Variants in PRKG1 observed in about 807,000 individuals in gnomAD.
PRKG1 encodes protein kinase cGMP-dependent 1.
PRKG1 carries 35 observed loss-of-function variants against 88.1 expected under a neutral mutation model. That is an observed-to-expected ratio of 0.40 (90% confidence interval 0.30 to 0.53). The LOEUF is 0.53. Among genes scored for constraint, PRKG1 ranks in the 20% least tolerant of loss-of-function variants. PRKG1 has a pLI of 0.59. For missense variants in PRKG1, 540 were observed against 839.8 expected, an observed-to-expected ratio of 0.64 and a Z score of 4.41; for synonymous variants, 303 against 292.5, an observed-to-expected ratio of 1.04 and a Z score of -0.37.
chr10:52,290,939 T>C (rs1477719873), intron 17 of PRKG1, among the ~76,000 whole-genome samples: 2 of 151,184 alleles, frequency 1.3e-5, no homozygotes, highest in Admixed American at 6.6e-5. Context: ...AATTTTTTTT[T>C]TGAGATGGAG....
Position 51,754,357 on chromosome 10 carries a change from G to A in PRKG1, c.593-50228G>A, listed in dbSNP as rs16922563. Among the ~76,000 whole-genome samples the A allele has an allele frequency of 5.8e-3, 888 of 152,300 alleles. 7 individuals are homozygous for A. Among genetic ancestry groups the A allele is most frequent in the African/African-American group, 0.02 (831 of 41,562 alleles). On this transcript the variant is annotated intron_variant, in intron 3 of 17. Transcript: ENST00000373980. ...CAACTCCTCTGTCATTCAGTGGCAAGGAGTCAATTAACTTCTGCTGGTGAC... is the reference window on the plus strand; with the variant it reads ...CAACTCCTCTGTCATTCAGTGGCAAAGAGTCAATTAACTTCTGCTGGTGAC...
rs555832568 is a variant in PRKG1, at chr10:52,289,655, A to G, written c.1896-569A>G. On this transcript the variant is annotated intron_variant, in intron 16 of 17. Coordinates refer to ENST00000373980, the MANE Select transcript of PRKG1 (RefSeq NM_006258.4). ...AAACCCTTCAAAGACAAAAGAAAAC[A>G]AACAAGCAAAAACTTTAGTCTTTTT... 1.6e-4 allele frequency among the ~76,000 whole-genome samples: 24 copies of G among 151,164 alleles called. No homozygotes were observed. The East Asian group carries it at 3.3e-3, about 21-fold the overall frequency.
intron 2 of PRKG1, among the ~76,000 whole-genome samples, chr10:51,173,387 C>T (rs531281637): frequency 1.3e-5 from 2 of 151,018 alleles, no homozygotes; most frequent in East Asian, 3.9e-4. Context: ...TGTAAATTTT[C>T]AATTAAGATC....
chr10:51,423,797 C>T (rs1450847350), intron 2 of PRKG1, among the ~76,000 whole-genome samples: 3 of 152,050 alleles, frequency 2.0e-5, no homozygotes, highest in African/African-American at 7.2e-5. Context: ...AATATTTCAT[C>T]TTCTGTGATT....
intron 1 of PRKG1, among the ~76,000 whole-genome samples, chr10:51,099,397 A>ACACT (rs1370193994): frequency 6.6e-6 from 1 of 151,762 alleles, no homozygotes; most frequent in African/African-American, 2.4e-5. Context: ...ACACACACAC[A>ACACT]CACACACACA....
At chr10:52,043,188 T>C (rs1487749682) in intron 5 of PRKG1, among the ~76,000 whole-genome samples, 1 of 152,106 alleles carries the variant, frequency 6.6e-6, no homozygotes, top group Non-Finnish European at 1.5e-5. Context: ...GAAATAGAGC[T>C]GTCCTATGAT....
intron 2 of PRKG1, among the ~76,000 whole-genome samples, chr10:51,236,843 A>G (rs1839006666): frequency 6.6e-6 from 1 of 152,166 alleles, no homozygotes; most frequent in Non-Finnish European, 1.5e-5. Context: ...ATGCCAGTAT[A>G]ACCCATTTGA....
At chr10:51,609,576 A>G (rs1192341727) in intron 3 of PRKG1, among the ~76,000 whole-genome samples, 1 of 152,194 alleles carries the variant, frequency 6.6e-6, no homozygotes, top group Non-Finnish European at 1.5e-5. Context: ...TAGCAAAGAC[A>G]TGTAATCAAC....
intron 4 of PRKG1, among the ~76,000 whole-genome samples, chr10:51,897,038 T>C (rs1028518135): frequency 1.3e-5 from 2 of 152,162 alleles, no homozygotes; most frequent in Admixed American, 6.6e-5. Context: ...AAGTCAGATG[T>C]GGGACAAGAA....
chr10:51,439,108 G>A (rs985987434), intron 2 of PRKG1, among the ~76,000 whole-genome samples: 1 of 151,690 alleles, frequency 6.6e-6, no homozygotes, highest in African/African-American at 2.4e-5. Flanking sequence ...ATAGGTAGTT[G>A]CAGAGAATGT....
intron 1 of PRKG1, among the ~76,000 whole-genome samples, chr10:51,059,294 A>C (rs1157349494): frequency 6.6e-6 from 1 of 152,200 alleles, no homozygotes; most frequent in East Asian, 1.9e-4. Flanking sequence ...TTAATAATTC[A>C]CCATTAATTA....
intron 5 of PRKG1, among the ~76,000 whole-genome samples, chr10:52,042,669 A>G (rs1472974276): frequency 6.6e-6 from 1 of 152,114 alleles, no homozygotes; most frequent in African/African-American, 2.4e-5. Flanking sequence ...CTGGGCAATA[A>G]TTTTTTAGTA....
At chr10:51,524,897 A>T (rs1841836962) in intron 3 of PRKG1, among the ~76,000 whole-genome samples, 1 of 152,226 alleles carries the variant, frequency 6.6e-6, no homozygotes, top group African/African-American at 2.4e-5. Flanking sequence ...TTGTTTTCCA[A>T]TTACATTTTT....
chr10:51,967,755 C>A (rs895170159), intron 5 of PRKG1, among the ~76,000 whole-genome samples: 1 of 152,096 alleles, frequency 6.6e-6, no homozygotes, highest in African/African-American at 2.4e-5. Context: ...CCTTCCCTAG[C>A]GTCATGGGTT....
chr10:51,586,867 A>T (rs1003048628), intron 3 of PRKG1, among the ~76,000 whole-genome samples: 1 of 152,158 alleles, frequency 6.6e-6, no homozygotes, highest in Non-Finnish European at 1.5e-5. Flanking sequence ...TGTTCCTGGT[A>T]TGAGGAAAAG....
intron 5 of PRKG1, among the ~76,000 whole-genome samples, chr10:52,031,840 G>A (rs1395436092): frequency 6.6e-6 from 1 of 152,148 alleles, no homozygotes; most frequent in East Asian, 1.9e-4. Flanking sequence ...GGATGATCAA[G>A]GGATAATTTA....
intron 9 of PRKG1, among the ~76,000 whole-genome samples, chr10:52,195,258 A>G (rs1839475859): frequency 6.6e-6 from 1 of 151,546 alleles, no homozygotes; most frequent in Non-Finnish European, 1.5e-5. Flanking sequence ...TTTAGCTCGA[A>G]TAATATTAGT....
intron 9 of PRKG1, among the ~76,000 whole-genome samples, chr10:52,251,288 T>C (rs576106519): frequency 1.3e-5 from 2 of 152,108 alleles, no homozygotes; most frequent in African/African-American, 2.4e-5. Context: ...AAGACCACCA[T>C]GTAACTTTGA....
intron 5 of PRKG1, among the ~76,000 whole-genome samples, chr10:52,037,346 A>G (rs1845643706): frequency 6.6e-6 from 1 of 152,218 alleles, no homozygotes; most frequent in Admixed American, 6.5e-5. Flanking sequence ...AAGGAATTGC[A>G]ACATTTTTCT....
Sources: allele counts gnomAD v4.1 joint callset (sites outside exome capture counted in the v4.1 genomes callset), GRCh38; gene constraint gnomAD v4.1.1; transcripts MANE v1.5; gene names NCBI Gene and HGNC (gene_info 2026-07-23, HGNC 2026-07-21).